The following ZNF367 variants were observed in gnomAD, a reference collection of about 807,000 sequenced individuals.
The protein encoded by ZNF367 is zinc finger protein 367.
ZNF367 carries 11 observed loss-of-function variants against 31.8 expected under a neutral mutation model. The ratio of observed to expected loss-of-function variants is 0.35; its 90% CI spans 0.22 to 0.57. The LOEUF is 0.57. Ranked by LOEUF, ZNF367 falls within the 20% of genes least tolerant of loss-of-function variation. ZNF367 has a pLI of 0.85. For missense variants in ZNF367, 353 were observed against 484.1 expected, an observed-to-expected ratio of 0.73 and a Z score of 2.54; for synonymous variants, 199 against 202.4, an observed-to-expected ratio of 0.98 and a Z score of 0.14.
At chr9:96,390,352 G>C (rs1042916418) in intron 4 of ZNF367, among the ~76,000 whole-genome samples, 1 of 152,200 alleles carries the variant, frequency 6.6e-6, no homozygotes, top group African/African-American at 2.4e-5. Flanking sequence ...AGTATGACTT[G>C]AAGGATGACT....
At chr9:96,397,352 C>T (rs942657429) in intron 2 of ZNF367, among the ~76,000 whole-genome samples, 6 of 151,822 alleles carry the variant, frequency 4.0e-5, no homozygotes, top group African/African-American at 1.5e-4. Context: ...ATTTAAAATG[C>T]AAATATAATT....
intron 1 of ZNF367, among the ~76,000 whole-genome samples, chr9:96,406,925 C>G (rs887223113): frequency 6.7e-6 from 1 of 148,310 alleles, no homozygotes; most frequent in African/African-American, 2.5e-5. Context: ...TGGCGTGAAC[C>G]CGGGAGGCAG....
chr9:96,407,427 G>C lies in ZNF367; in HGVS notation c.421-9113C>G. On this transcript the variant is annotated intron_variant, in intron 1 of 4. Coordinates refer to ENST00000375256, the MANE Select transcript of ZNF367 (RefSeq NM_153695.4). ...AGAAAATGATTGGTCTGAAGGCTAAGCTTTAACATAAACAGCGCCATGCTG... is the reference window on the plus strand; with the variant it reads ...AGAAAATGATTGGTCTGAAGGCTAACCTTTAACATAAACAGCGCCATGCTG... 3 of 1,441,982 alleles carry C rather than the reference G, an allele frequency of 2.1e-6. No homozygotes were observed. The South Asian group carries it at 3.4e-5, about 17-fold the overall frequency. The allele number at this position is 1,441,982 out of a possible 1,614,324, so 89.3% of individuals were successfully genotyped here.
chr9:96,416,552 G>C (rs943656008), intron 1 of ZNF367, among the ~76,000 whole-genome samples: 1 of 152,164 alleles, frequency 6.6e-6, no homozygotes, highest in Non-Finnish European at 1.5e-5. Flanking sequence ...GTGACTGCAT[G>C]TAAAATGATC....
At chr9:96,410,790 A>G (rs1005754626) in intron 1 of ZNF367, among the ~76,000 whole-genome samples, 2 of 151,822 alleles carry the variant, frequency 1.3e-5, no homozygotes, top group Admixed American at 6.6e-5. Context: ...AGGAAGGAGA[A>G]TCGCTTGAAC....
intron 1 of ZNF367, among the ~76,000 whole-genome samples, chr9:96,405,101 C>A (rs1831655361): frequency 6.6e-6 from 1 of 152,058 alleles, no homozygotes; most frequent in African/African-American, 2.4e-5. Context: ...GTGGGTGGAT[C>A]ACCTGAGGTC....
chr9:96,409,560 C>T (rs1271399314), intron 1 of ZNF367, among the ~76,000 whole-genome samples: 2 of 152,178 alleles, frequency 1.3e-5, no homozygotes, highest in Non-Finnish European at 2.9e-5. Flanking sequence ...AGCTCATCAA[C>T]CTTACTTAAT....
At chr9:96,388,763 A>G (rs1001486375) in intron 4 of ZNF367, among the ~76,000 whole-genome samples, 20 of 152,244 alleles carry the variant, frequency 1.3e-4, no homozygotes, top group Admixed American at 1.1e-3. Context: ...GGACTTGAGT[A>G]AAATACAGAA....
intron 1 of ZNF367, among the ~76,000 whole-genome samples, chr9:96,416,091 T>G (rs376802578): frequency 0.051 from 7,549 of 148,260 alleles, 241 homozygotes; most frequent in Middle Eastern, 0.073. Context: ...TTTGTTGTTT[T>G]TTTTTTTTTT....
At position 96,398,298 on chromosome 9, in the gene ZNF367, C is replaced by T; in HGVS notation, c.437G>A (p.Gly146Asp). The change falls in exon 2 of 5, where the codon GGT becomes GAT. Residue 146 changes from glycine (G) to aspartate (D), a missense_variant. Gly to Asp is a moderately conservative substitution (Grantham distance 94). Around this residue, in one of 5 missense-constraint regions of ZNF367, gnomAD observed 57 missense variants for 141.9 expected, o/e 0.40. Transcript: ENST00000375256. ...GCGGACAGTATCTGCTCTGGGCCTACCACGTCGGATTCCATCCTGTTGATA... is the reference window on the plus strand; with the variant it reads ...GCGGACAGTATCTGCTCTGGGCCTATCACGTCGGATTCCATCCTGTTGATA... ...SGHLKDGIRR[G>D]RPRADTVRDL... 1 of 1,607,922 alleles carries T rather than the reference C, an allele frequency of 6.2e-7. No homozygotes were observed. Among genetic ancestry groups the T allele is most frequent in the Non-Finnish European group, 8.5e-7 (1 of 1,177,676 alleles).
intron 1 of ZNF367, among the ~76,000 whole-genome samples, chr9:96,399,202 G>C (rs1044042394): frequency 6.6e-6 from 1 of 151,958 alleles, no homozygotes; most frequent in Non-Finnish European, 1.5e-5. Context: ...CTGAACTTTC[G>C]GCTCAGCACA....
chr9:96,415,691 T>G (rs1229023912), intron 1 of ZNF367, among the ~76,000 whole-genome samples: 1 of 151,344 alleles, frequency 6.6e-6, no homozygotes, highest in African/African-American at 2.4e-5. Context: ...AGAGACAGGG[T>G]TTCACCATGT....
chr9:96,403,250 G>A (rs1456864843), intron 1 of ZNF367, among the ~76,000 whole-genome samples: 2 of 152,186 alleles, frequency 1.3e-5, no homozygotes, highest in Non-Finnish European at 2.9e-5. Context: ...TTACAAGCAT[G>A]AGCCCCCGTG....
intron 2 of ZNF367, among the ~76,000 whole-genome samples, chr9:96,396,670 A>ATT (rs548307000): frequency 6.9e-6 from 1 of 144,746 alleles, no homozygotes; most frequent in African/African-American, 2.5e-5. Flanking sequence ...GGTGAAATAA[A>ATT]TTTTTTTTTT....
At chr9:96,415,123 C>G (rs1268576155) in intron 1 of ZNF367, among the ~76,000 whole-genome samples, 1 of 150,516 alleles carries the variant, frequency 6.6e-6, no homozygotes, top group Non-Finnish European at 1.5e-5. Context: ...GGCACGATCT[C>G]GGCTCACTGC....
chr9:96,403,706 C>CTA (rs1336468499), intron 1 of ZNF367, among the ~76,000 whole-genome samples: 8 of 152,128 alleles, frequency 5.3e-5, no homozygotes, highest in African/African-American at 1.9e-4. Context: ...AGAACCTAAC[C>CTA]TATACATGAA....
At chr9:96,410,420 GGCGT>G (rs1831729916) in intron 1 of ZNF367, among the ~76,000 whole-genome samples, 1 of 149,276 alleles carries the variant, frequency 6.7e-6, no homozygotes, top group Admixed American at 6.7e-5. Flanking sequence ...AAATTAGCCG[GGCGT>G]GGTGGCGGGT....
At chr9:96,393,661 A>G (rs1484719083) in intron 3 of ZNF367, among the ~76,000 whole-genome samples, 2 of 152,078 alleles carry the variant, frequency 1.3e-5, no homozygotes, top group Non-Finnish European at 2.9e-5. Context: ...GAGAAACCCC[A>G]TCTCTACTAA....
In ZNF367 at chr9:96,418,109, C is replaced by G. The variant is rs1331236742; in HGVS notation, c.-77G>C. 16 of 1,287,000 alleles carry G rather than the reference C, an allele frequency of 1.2e-5. No homozygotes were observed. Among genetic ancestry groups the G allele is most frequent in the African/African-American group, 1.5e-5 (1 of 64,614 alleles). 79.7% of individuals were successfully genotyped at this position (1,287,000 alleles called of 1,614,324 possible). A position where few individuals can be genotyped will look rare whatever the true frequency, so the allele number is the denominator to read the frequency against. On this transcript the variant is annotated 5_prime_UTR_variant, in exon 1 of 5. Coordinates refer to ENST00000375256, the MANE Select transcript of ZNF367 (RefSeq NM_153695.4). ...CGCTCTGCCCCTCACTCGCTCTGCTCCGAGTCGCAGGCTCAGTCCTGCCGG... is the reference window on the plus strand; with the variant it reads ...CGCTCTGCCCCTCACTCGCTCTGCTGCGAGTCGCAGGCTCAGTCCTGCCGG...
Sources: gnomAD v4.1 joint callset for allele counts (sites outside exome capture counted in the v4.1 genomes callset) on GRCh38, gnomAD v4.1.1 for gene constraint, gnomAD v4.1.1 regional missense constraint, MANE v1.5 for transcripts, NCBI Gene and HGNC (gene_info 2026-07-23, HGNC 2026-07-21) for gene names.